The following RBFOX1 variants were observed in gnomAD, a reference collection of about 807,000 sequenced individuals.
RBFOX1 encodes the protein RNA binding protein fox-1 homolog 1.
In RBFOX1, 8 loss-of-function variants were observed where a neutral mutation model predicts 57.7. That is an observed-to-expected ratio of 0.14 (90% CI 0.08 to 0.25). RBFOX1 has a LOEUF of 0.25. Ranked by LOEUF, RBFOX1 falls within the 10% of genes least tolerant of loss-of-function variation. The pLI is 1.00. For missense variants in RBFOX1, 611 were observed against 548.5 expected (o/e 1.11, Z -1.14); for synonymous variants, 326 against 222.4 (o/e 1.47, Z -4.15).
intron 4 of RBFOX1, among the ~76,000 whole-genome samples, chr16:7,270,081 C>T (rs1248442539): frequency 1.3e-5 from 2 of 152,186 alleles, no homozygotes; most frequent in Non-Finnish European, 2.9e-5. Flanking sequence ...ATACTACTGT[C>T]CTCATTTTAC....
chr16:6,584,001 TAAA>T (rs3045197), intron 2 of RBFOX1, among the ~76,000 whole-genome samples: 1 of 146,036 alleles, frequency 6.8e-6, no homozygotes, highest in Non-Finnish European at 1.5e-5. Flanking sequence ...CAACAACATT[TAAA>T]AAAAAAAAAG....
chr16:7,523,322 G>T (rs1006007913), intron 5 of RBFOX1, among the ~76,000 whole-genome samples: 1 of 152,200 alleles, frequency 6.6e-6, no homozygotes, highest in Non-Finnish European at 1.5e-5. Flanking sequence ...TTTTGAAACA[G>T]AAGAGAAGGA....
intron 3 of RBFOX1, among the ~76,000 whole-genome samples, chr16:6,661,474 C>T (rs962811154): frequency 1.3e-5 from 2 of 152,146 alleles, no homozygotes; most frequent in African/African-American, 2.4e-5. Flanking sequence ...TTTATCAGGC[C>T]AATGCATTAG....
chr16:7,081,830 A>C (rs1353410753), intron 4 of RBFOX1, among the ~76,000 whole-genome samples: 1 of 152,206 alleles, frequency 6.6e-6, no homozygotes, highest in Non-Finnish European at 1.5e-5. Context: ...TTGATGAACT[A>C]ATATGTTTAA....
chr16:7,180,860 A>G (rs986819347), intron 4 of RBFOX1, among the ~76,000 whole-genome samples: 1 of 152,204 alleles, frequency 6.6e-6, no homozygotes, highest in Non-Finnish European at 1.5e-5. Context: ...AGCTCATGAC[A>G]TTGCCACAAA....
intron 2 of RBFOX1, among the ~76,000 whole-genome samples, chr16:6,623,813 A>T (rs1199286404): frequency 6.6e-6 from 1 of 152,174 alleles, no homozygotes; most frequent in Non-Finnish European, 1.5e-5. Flanking sequence ...TATGGTGTAT[A>T]TGTGCCACAT....
At chr16:5,619,907 T>A (rs2048153294) in intron 3 of RBFOX1, among the ~76,000 whole-genome samples, 1 of 152,056 alleles carries the variant, frequency 6.6e-6, no homozygotes, top group African/African-American at 2.4e-5. Context: ...ATATGCTGAC[T>A]TTCTACAGCC....
intron 1 of RBFOX1, among the ~76,000 whole-genome samples, chr16:5,383,040 C>A (rs1057225125): frequency 1.3e-5 from 2 of 152,168 alleles, no homozygotes; most frequent in African/African-American, 4.8e-5. Flanking sequence ...TGCTATAAAG[C>A]GACCACCTCT....
chr16:7,413,638 C>T (rs2098451683), intron 4 of RBFOX1, among the ~76,000 whole-genome samples: 1 of 152,064 alleles, frequency 6.6e-6, no homozygotes, highest in South Asian at 2.1e-4. Flanking sequence ...TATTCCCAGG[C>T]ACTGGTTGCC....
chr16:5,390,006 C>G (rs866707743), intron 1 of RBFOX1, among the ~76,000 whole-genome samples: 47 of 152,028 alleles, frequency 3.1e-4, no homozygotes, highest in Middle Eastern at 3.4e-3. Flanking sequence ...GCCTGCTTTT[C>G]TTTTTAAAAA....
chr16:7,214,556 G>A (rs750986418), intron 4 of RBFOX1, among the ~76,000 whole-genome samples: 4 of 151,856 alleles, frequency 2.6e-5, no homozygotes, highest in Non-Finnish European at 4.4e-5. Context: ...TTTCTGCTTG[G>A]TCACCCCACT....
intron 3 of RBFOX1, among the ~76,000 whole-genome samples, chr16:5,780,933 C>G (rs1210082296): frequency 6.6e-6 from 1 of 152,162 alleles, no homozygotes; most frequent in African/African-American, 2.4e-5. Context: ...TTTGTAAACT[C>G]CAAAGTGACA....
chr16:6,035,785 C>G (rs984111387), intron 1 of RBFOX1, among the ~76,000 whole-genome samples: 3 of 152,174 alleles, frequency 2.0e-5, no homozygotes, highest in Non-Finnish European at 4.4e-5. Flanking sequence ...GTATTTGCCA[C>G]CCCTGTTACA....
At chr16:5,742,315 C>G (rs2052803797) in intron 3 of RBFOX1, among the ~76,000 whole-genome samples, 1 of 149,944 alleles carries the variant, frequency 6.7e-6, no homozygotes, top group South Asian at 2.2e-4. Context: ...TTCCTCCCTC[C>G]CTCCCTTCCT....
chr16:5,396,876 T>C (rs959728410), intron 1 of RBFOX1, among the ~76,000 whole-genome samples: 2 of 152,232 alleles, frequency 1.3e-5, no homozygotes, highest in Non-Finnish European at 2.9e-5. Context: ...GTTACCGTGA[T>C]TTATAGAGAT....
rs1005417958 is a variant in RBFOX1, at chr16:5,831,329, A to G, written c.319-35974A>G. Among the ~76,000 whole-genome samples, 9 of 152,126 alleles carry G rather than the reference A, an allele frequency of 5.9e-5. No individual in the cohort carries two copies. In the South Asian group the frequency reaches 6.2e-4, roughly 11 times the overall value. The stretch of plus-strand genomic sequence containing the variant: ...TGGCACCTTCCCTGCCATTCTCTCT[A>G]TCTTGCTCCTGCTCTGGCCATGGGA... On this transcript the variant is annotated intron_variant, in intron 3 of 19. Transcript: ENST00000641259.
chr16:6,507,456 A>C (rs2096130372), intron 2 of RBFOX1, among the ~76,000 whole-genome samples: 1 of 143,772 alleles, frequency 7.0e-6, no homozygotes, highest in Non-Finnish European at 1.5e-5. Context: ...GGATTAATAG[A>C]ACCTAGGAGT....
intron 1 of RBFOX1, among the ~76,000 whole-genome samples, chr16:6,263,834 A>C (rs2097716592): frequency 6.6e-6 from 1 of 152,164 alleles, no homozygotes; most frequent in Admixed American, 6.5e-5. Flanking sequence ...TTCCATCCCA[A>C]AATGCCATTC....
intron 1 of RBFOX1, among the ~76,000 whole-genome samples, chr16:6,050,933 C>G (rs537204920): frequency 6.7e-6 from 1 of 149,908 alleles, no homozygotes; most frequent in Non-Finnish European, 1.5e-5. Flanking sequence ...TTCCTCCTTC[C>G]TCAAGTTTCT....
Sources: allele counts gnomAD v4.1 joint callset (sites outside exome capture counted in the v4.1 genomes callset), GRCh38; gene constraint gnomAD v4.1.1; transcripts MANE v1.5; gene names NCBI Gene and HGNC (gene_info 2026-07-23, HGNC 2026-07-21).